The following TFAP2D variants were observed in gnomAD, a reference collection of about 807,000 sequenced individuals.
The protein encoded by TFAP2D is transcription factor AP-2 delta, also known as transcription factor AP-2-delta.
TFAP2D carries 9 observed loss-of-function variants against 43.6 expected under a neutral mutation model. The ratio of observed to expected loss-of-function variants is 0.21; its 90% CI spans 0.12 to 0.36. The LOEUF (loss-of-function observed/expected upper bound fraction) is 0.36, where lower values mean the gene tolerates loss of function less well. TFAP2D is among the 10% of genes least tolerant of loss of function. The pLI is 1.00. For missense variants in TFAP2D, 513 were observed against 561.4 expected, an observed-to-expected ratio of 0.91 and a Z score of 0.87; for synonymous variants, 256 against 224.9, an observed-to-expected ratio of 1.14 and a Z score of -1.24.
At chr6:50,761,843 C>G (rs1192262294) in intron 7 of TFAP2D, among the ~76,000 whole-genome samples, 1 of 152,010 alleles carries the variant, frequency 6.6e-6, no homozygotes, top group Non-Finnish European at 1.5e-5. Flanking sequence ...GATTCCTATA[C>G]TAGCTTACAT....
chr6:50,714,829 CTGTGCGTGTG>C (rs1232380687), intron 1 of TFAP2D, among the ~76,000 whole-genome samples: 3 of 151,610 alleles, frequency 2.0e-5, no homozygotes, highest in Non-Finnish European at 4.4e-5. Flanking sequence ...GTGTGTGTGT[CTGTGCGTGTG>C]TGTGCGTGTG....
chr6:50,768,903 CTTTT>C (rs34182627), intron 7 of TFAP2D, among the ~76,000 whole-genome samples: 1 of 127,886 alleles, frequency 7.8e-6, no homozygotes, highest in African/African-American at 2.9e-5. Context: ...AACGAAGTGG[CTTTT>C]TTTTTTTTTT....
At chr6:50,724,944 A>G (rs778987523) in intron 3 of TFAP2D, among the ~76,000 whole-genome samples, 1 of 152,054 alleles carries the variant, frequency 6.6e-6, no homozygotes, top group African/African-American at 2.4e-5. Context: ...GGAGATAAGT[A>G]GAGCAAGTGT....
At chr6:50,745,785 C>CTT (rs141361799) in intron 6 of TFAP2D, among the ~76,000 whole-genome samples, 12 of 147,910 alleles carry the variant, frequency 8.1e-5, no homozygotes, top group African/African-American at 1.2e-4. Flanking sequence ...GTGTTATTGT[C>CTT]TTTTTTTTTT....
At chr6:50,716,613 T>G (rs181885666) in intron 2 of TFAP2D, among the ~76,000 whole-genome samples, 1 of 152,250 alleles carries the variant, frequency 6.6e-6, no homozygotes, top group African/African-American at 2.4e-5. Context: ...TTTATAATTA[T>G]GCAATTATGT....
intron 5 of TFAP2D, among the ~76,000 whole-genome samples, chr6:50,732,730 C>G (rs1768911286): frequency 6.6e-6 from 1 of 151,874 alleles, no homozygotes; most frequent in African/African-American, 2.4e-5. Context: ...AACATAAGTG[C>G]CTTATGATGG....
At chr6:50,741,280 ACTT>A (rs1316383724) in intron 5 of TFAP2D, among the ~76,000 whole-genome samples, 3 of 151,880 alleles carry the variant, frequency 2.0e-5, no homozygotes, top group African/African-American at 7.3e-5. Context: ...CATGTACCCT[ACTT>A]CTTTTTTTAA....
At chr6:50,736,588 T>G (rs1007958645) in intron 5 of TFAP2D, among the ~76,000 whole-genome samples, 11 of 152,194 alleles carry the variant, frequency 7.2e-5, no homozygotes, top group Non-Finnish European at 1.5e-4. Flanking sequence ...TCTTTTAAAA[T>G]TATTTGCAAG....
chr6:50,723,533 A>G (rs1367243937), intron 3 of TFAP2D, among the ~76,000 whole-genome samples: 2 of 152,240 alleles, frequency 1.3e-5, no homozygotes, highest in African/African-American at 2.4e-5. Context: ...TGGTTCATCC[A>G]TTATGGGTGA....
chr6:50,739,135 A>G (rs1040292413), intron 5 of TFAP2D, among the ~76,000 whole-genome samples: 41 of 152,084 alleles, frequency 2.7e-4, no homozygotes, highest in African/African-American at 9.2e-4. Flanking sequence ...GGTTTGTTAC[A>G]TATGTATACA....
chr6:50,740,473 G>C (rs1422594049), intron 5 of TFAP2D, among the ~76,000 whole-genome samples: 1 of 151,898 alleles, frequency 6.6e-6, no homozygotes, highest in Non-Finnish European at 1.5e-5. Context: ...TCACTTTGTC[G>C]CCCAGGCTGG....
At chr6:50,757,523 TATAATTATTCTATATATATAGAATAC>T in intron 7 of TFAP2D, among the ~76,000 whole-genome samples, 1 of 81,278 alleles carries the variant, frequency 1.2e-5, no homozygotes, top group African/African-American at 4.7e-5. Context: ...ATAGAATACA[TATAATTATTCTATATATATAGAATAC>T]ATATAATTAT....
intron 7 of TFAP2D, among the ~76,000 whole-genome samples, chr6:50,769,027 G>A (rs915744443): frequency 2.6e-5 from 4 of 151,564 alleles, no homozygotes; most frequent in Non-Finnish European, 5.9e-5. Context: ...GAGTAGCTGG[G>A]ATTACAGGCA....
At chr6:50,770,145 G>A (rs771900399) in intron 7 of TFAP2D, among the ~76,000 whole-genome samples, 2 of 152,102 alleles carry the variant, frequency 1.3e-5, no homozygotes. Flanking sequence ...CTTTTTGTGG[G>A]TATCACCATG....
At chr6:50,729,456 G>A (rs1164255730) in intron 5 of TFAP2D, 144 bp downstream of exon 5, 2 of 618,192 alleles carry the variant, frequency 3.2e-6, no homozygotes, top group Non-Finnish European at 5.7e-6. Flanking sequence ...AAATTATCTT[G>A]ACAATGATGA....
At chr6:50,738,586 T>C (rs528110330) in intron 5 of TFAP2D, among the ~76,000 whole-genome samples, 1 of 152,220 alleles carries the variant, frequency 6.6e-6, no homozygotes, top group South Asian at 2.1e-4. Context: ...ACAGATCCAG[T>C]TTTATTTGTT....
chr6:50,754,080 T>C (rs1769233382), intron 7 of TFAP2D, among the ~76,000 whole-genome samples: 1 of 151,910 alleles, frequency 6.6e-6, no homozygotes, highest in South Asian at 2.1e-4. Context: ...TCTCCACAAC[T>C]TTTTTATTTT....
rs747085597 is a variant in TFAP2D, at chr6:50,715,422, C to G, written c.346C>G (p.Leu116Val). 1 of 1,614,162 alleles carries G rather than the reference C, an allele frequency of 6.2e-7. No homozygotes were observed. Among genetic ancestry groups the G allele is most frequent in the Non-Finnish European group, 8.5e-7 (1 of 1,180,046 alleles). The change falls in exon 2 of 8, where the codon CTG (leucine) becomes GTG (valine). Residue 116 changes from leucine to valine, a missense_variant. By Grantham distance (32) the Leu-to-Val change is conservative. Coordinates refer to ENST00000008391, the MANE Select transcript of TFAP2D (RefSeq NM_172238.4). Reference sequence around the variant, plus strand: ...CGGGGAGCCCACCGACTTTATTAACCTGCACAATGCGCGGGCGCTCAAGTC... The same window carrying G: ...CGGGGAGCCCACCGACTTTATTAACGTGCACAATGCGCGGGCGCTCAAGTC... ...HHGEPTDFIN[L>V]HNARALKSSC...
intron 7 of TFAP2D, 149 bp from the exon 8 acceptor site, chr6:50,772,496 G>A (rs971456695): frequency 2.8e-6 from 2 of 705,470 alleles, no homozygotes; most frequent in Non-Finnish European, 4.7e-6. Flanking sequence ...ACCTTCAACT[G>A]TGTTGTATCT....
Sources: allele counts gnomAD v4.1 joint callset (sites outside exome capture counted in the v4.1 genomes callset), GRCh38; gene constraint gnomAD v4.1.1; transcripts MANE v1.5; gene names NCBI Gene and HGNC (gene_info 2026-07-23, HGNC 2026-07-21).